The following ATP6V1H variants were observed in gnomAD, a reference collection of about 807,000 sequenced individuals.
ATP6V1H encodes V-type proton ATPase subunit H.
Under a neutral mutation model 71.7 loss-of-function variants are expected in ATP6V1H, and 39 were observed. The observed-to-expected ratio is 0.54, with a 90% CI of 0.42 to 0.71. The LOEUF (loss-of-function observed/expected upper bound fraction) is 0.71. Ranked by LOEUF, ATP6V1H falls within the 30% of genes least tolerant of loss-of-function variation. ATP6V1H has a pLI of 0.00. For synonymous variants in ATP6V1H, 192 were observed against 199.3 expected (o/e 0.96, Z 0.31); for missense variants, 509 against 594.9 (o/e 0.86, Z 1.50).
chr8:53,817,279 T>TA, intron 5 of ATP6V1H, 138 bp downstream of exon 5: 1 of 482,860 alleles, frequency 2.1e-6, no homozygotes, highest in Middle Eastern at 5.1e-4. Flanking sequence ...GGCTCACACC[T>TA]GTAATCCCAG....
chr8:53,812,693 G>C (rs1264273519), intron 6 of ATP6V1H, among the ~76,000 whole-genome samples: 1 of 152,008 alleles, frequency 6.6e-6, no homozygotes, highest in African/African-American at 2.4e-5. Flanking sequence ...TGTTTTTGTG[G>C]GGTTTTTTTT....
intron 13 of ATP6V1H, among the ~76,000 whole-genome samples, chr8:53,727,821 C>T (rs1806867853): frequency 6.6e-6 from 1 of 152,146 alleles, no homozygotes; most frequent in African/African-American, 2.4e-5. Flanking sequence ...TCAGTGCCAC[C>T]CCAATCCTGT....
intron 9 of ATP6V1H, among the ~76,000 whole-genome samples, chr8:53,791,745 C>T (rs979274883): frequency 1.2e-4 from 18 of 152,186 alleles, no homozygotes; most frequent in Non-Finnish European, 1.8e-4. Context: ...TCTGGCTGTC[C>T]GCCTCTCTTC....
At chr8:53,750,500 C>G (rs933934240) in intron 12 of ATP6V1H, among the ~76,000 whole-genome samples, 1 of 152,090 alleles carries the variant, frequency 6.6e-6, no homozygotes, top group Non-Finnish European at 1.5e-5. Context: ...ATTCGAGGAC[C>G]TGCTGTCACT....
chr8:53,802,461 G>A (rs1176060975), intron 7 of ATP6V1H, among the ~76,000 whole-genome samples: 2 of 152,242 alleles, frequency 1.3e-5, no homozygotes, highest in East Asian at 3.8e-4. Context: ...GTTCATGCCT[G>A]TAATCCTACC....
intron 8 of ATP6V1H, among the ~76,000 whole-genome samples, chr8:53,796,200 T>C (rs1211079770): frequency 6.6e-6 from 1 of 152,072 alleles, no homozygotes; most frequent in Non-Finnish European, 1.5e-5. Context: ...AGACCACCGA[T>C]AGCTTTAAAA....
At position 53,756,634 on chromosome 8, in the gene ATP6V1H, C is replaced by T; in HGVS notation, c.1198G>A (p.Val400Met). The T allele has an allele frequency of 6.2e-7, 1 of 1,613,884 alleles. No homozygotes were observed. The highest frequency in any genetic ancestry group is 8.5e-7 in the Non-Finnish European group (1 of 1,179,852). Residue 400 changes from valine (V) to methionine (M), a missense_variant, in exon 12 of 14, where the codon GTG (valine) becomes ATG (methionine). Val to Met is a conservative substitution (Grantham distance 21). Around this residue, in one of 2 missense-constraint regions of ATP6V1H, gnomAD observed 212 missense variants for 291.6 expected, o/e 0.73. Coordinates refer to ENST00000359530, the MANE Select transcript of ATP6V1H (RefSeq NM_015941.4). Reference sequence around the variant, plus strand: ...GCTAAGACTTGGGGATCATCTGACACTTCCAAAAGTTTTGTCAAGATTCTG... The same window carrying T: ...GCTAAGACTTGGGGATCATCTGACATTTCCAAAAGTTTTGTCAAGATTCTG... ...LLKILTKLLE[V>M]SDDPQVLAVA...
At chr8:53,747,050 G>C (rs780463168) in intron 12 of ATP6V1H, among the ~76,000 whole-genome samples, 1 of 152,194 alleles carries the variant, frequency 6.6e-6, no homozygotes, top group African/African-American at 2.4e-5. Context: ...AATGTAATTT[G>C]AGAGTAAACT....
intron 9 of ATP6V1H, among the ~76,000 whole-genome samples, chr8:53,784,543 G>A (rs1273465112): frequency 2.0e-5 from 3 of 152,116 alleles, no homozygotes; most frequent in Admixed American, 6.5e-5. Flanking sequence ...TTACATTGAA[G>A]GTTAATATTG....
At chr8:53,737,774 C>T (rs1324245118) in intron 13 of ATP6V1H, among the ~76,000 whole-genome samples, 16 of 152,210 alleles carry the variant, frequency 1.1e-4, no homozygotes, top group Admixed American at 1.0e-3. Context: ...TGCTGCACTG[C>T]TGCACAATTC....
chr8:53,828,803 T>C (rs960291194), intron 4 of ATP6V1H, among the ~76,000 whole-genome samples: 6 of 152,250 alleles, frequency 3.9e-5, no homozygotes, highest in East Asian at 3.9e-4. Context: ...AGACTGACTC[T>C]TTCCTTCAAG....
Position 53,750,241 on chromosome 8 carries a change from A to C in ATP6V1H, c.1277+6314T>G, listed in dbSNP as rs758540814. Among the ~76,000 whole-genome samples the C allele has an allele frequency of 3.3e-5, 5 of 152,220 alleles. No individual in the cohort carries two copies. The East Asian group carries it at 9.6e-4, about 29-fold the overall frequency. ...TCCACCCAATCTTACGAAAACAAGT[A>C]ATTGGATCAAAAGTGTTTCTTAAAA... On this transcript the variant is annotated intron_variant, in intron 12 of 13. Transcript: ENST00000359530.
At chr8:53,733,437 G>A (rs961634112) in intron 13 of ATP6V1H, among the ~76,000 whole-genome samples, 9 of 152,192 alleles carry the variant, frequency 5.9e-5, no homozygotes, top group African/African-American at 2.2e-4. Flanking sequence ...GCTCCAGTGT[G>A]TCGACGACCT....
chr8:53,752,421 C>T (rs1807828436), intron 12 of ATP6V1H, among the ~76,000 whole-genome samples: 1 of 152,194 alleles, frequency 6.6e-6, no homozygotes, highest in South Asian at 2.1e-4. Context: ...CGCATATAAC[C>T]TGAATATCCC....
At chr8:53,723,165 T>A (rs1048872443) in intron 13 of ATP6V1H, among the ~76,000 whole-genome samples, 2 of 152,198 alleles carry the variant, frequency 1.3e-5, no homozygotes, top group Admixed American at 6.5e-5. Context: ...GCACACTACA[T>A]AGAAGGTGAC....
At chr8:53,768,972 T>C (rs957969603) in intron 11 of ATP6V1H, among the ~76,000 whole-genome samples, 7 of 152,152 alleles carry the variant, frequency 4.6e-5, no homozygotes, top group Non-Finnish European at 7.4e-5. Context: ...ATATTAGTCA[T>C]CTTATTATGA....
chr8:53,806,019 T>C (rs1411794134), intron 7 of ATP6V1H, among the ~76,000 whole-genome samples: 1 of 152,126 alleles, frequency 6.6e-6, no homozygotes, highest in African/African-American at 2.4e-5. Flanking sequence ...GAGGTATACA[T>C]TTATCTCGCT....
intron 12 of ATP6V1H, among the ~76,000 whole-genome samples, chr8:53,748,020 T>C (rs1057309141): frequency 2.6e-5 from 4 of 151,530 alleles, no homozygotes; most frequent in Non-Finnish European, 4.4e-5. Context: ...TAGCTGGGTG[T>C]GGTGGTGGGC....
At chr8:53,770,586 TAAG>T (rs1423781094) in intron 10 of ATP6V1H, among the ~76,000 whole-genome samples, 4 of 152,200 alleles carry the variant, frequency 2.6e-5, no homozygotes, top group African/African-American at 7.2e-5. Flanking sequence ...CCAGTTAGTA[TAAG>T]AAGTAAACAA....
Sources: allele counts gnomAD v4.1 joint callset (sites outside exome capture counted in the v4.1 genomes callset), GRCh38; gene constraint gnomAD v4.1.1; regional missense constraint gnomAD v4.1.1; transcripts MANE v1.5; gene names NCBI Gene and HGNC (gene_info 2026-07-23, HGNC 2026-07-21).